The following POFUT3 variants were observed in gnomAD, a reference collection of about 807,000 sequenced individuals.
The protein encoded by POFUT3 is protein O-fucosyltransferase 3.
chr8:33,424,655 T>C, the POFUT3 span, among the ~76,000 whole-genome samples: 5 of 152,196 alleles, frequency 3.3e-5, no homozygotes, highest in Non-Finnish European at 5.9e-5. Context: ...ATTTTTCTTC[T>C]GGATAATCCC....
chr8:33,370,105 G>A, the POFUT3 span, among the ~76,000 whole-genome samples: 1 of 148,322 alleles, frequency 6.7e-6, no homozygotes, highest in African/African-American at 2.5e-5. Context: ...GCCGAGGTGG[G>A]TGGGTCACTT....
the POFUT3 span, among the ~76,000 whole-genome samples, chr8:33,340,378 G>A: frequency 1.3e-5 from 2 of 151,802 alleles, no homozygotes; most frequent in Non-Finnish European, 2.9e-5. Context: ...ACATATGTGT[G>A]TGTGTATATA....
At chr8:33,382,889 C>T in the POFUT3 span, among the ~76,000 whole-genome samples, 2 of 152,166 alleles carry the variant, frequency 1.3e-5, no homozygotes, top group Non-Finnish European at 2.9e-5. Flanking sequence ...GTACACCTCA[C>T]CTCCTTCCAT....
the POFUT3 span, among the ~76,000 whole-genome samples, chr8:33,382,941 G>A: frequency 1.3e-5 from 2 of 152,064 alleles, no homozygotes; most frequent in Non-Finnish European, 2.9e-5. Context: ...AGTCACTGTG[G>A]AACTCTTCTC....
chr8:33,327,210 CT>C, the POFUT3 span, among the ~76,000 whole-genome samples: 1 of 152,172 alleles, frequency 6.6e-6, no homozygotes, highest in African/African-American at 2.4e-5. Flanking sequence ...TGAAGAGCTT[CT>C]TTGGGATAGA....
the POFUT3 span, among the ~76,000 whole-genome samples, chr8:33,380,215 C>CTGTATATATATAG: frequency 2.8e-5 from 1 of 35,596 alleles, no homozygotes; most frequent in Non-Finnish European, 4.4e-5. Context: ...TATATATATA[C>CTGTATATATATAG]TATATATATA....
the POFUT3 span, among the ~76,000 whole-genome samples, chr8:33,312,592 C>A: frequency 6.6e-6 from 1 of 152,018 alleles, no homozygotes; most frequent in African/African-American, 2.4e-5. Flanking sequence ...CTCCCAGCAC[C>A]AAAGACCACC....
the POFUT3 span, among the ~76,000 whole-genome samples, chr8:33,340,388 A>G: frequency 6.6e-6 from 1 of 151,902 alleles, no homozygotes; most frequent in Non-Finnish European, 1.5e-5. Context: ...GTGTGTATAT[A>G]TATATATACA....
chr8:33,431,809 CAA>C, the POFUT3 span, among the ~76,000 whole-genome samples: 2 of 151,880 alleles, frequency 1.3e-5, no homozygotes, highest in South Asian at 2.1e-4. Context: ...TGAGCAATAA[CAA>C]GAGATAAAAC....
the POFUT3 span, among the ~76,000 whole-genome samples, chr8:33,414,773 C>A: frequency 6.6e-6 from 1 of 152,082 alleles, no homozygotes; most frequent in African/African-American, 2.4e-5. Context: ...CCAAACAACA[C>A]ACTGCCTTAT....
chr8:33,463,442 T>C, the POFUT3 span, among the ~76,000 whole-genome samples: 4 of 151,660 alleles, frequency 2.6e-5, no homozygotes, highest in Admixed American at 6.6e-5. Context: ...GAGGCAGAGG[T>C]TGCAGTGAGC....
the POFUT3 span, among the ~76,000 whole-genome samples, chr8:33,418,409 CTCTT>C: frequency 9.1e-6 from 1 of 110,166 alleles, no homozygotes; most frequent in East Asian, 2.5e-4. Context: ...AAAAAGGGAA[CTCTT>C]TTTTTTTTTT....
At chr8:33,460,774 G>A in the POFUT3 span, 1 of 984,890 alleles carries the variant, frequency 1.0e-6, no homozygotes, top group Non-Finnish European at 1.2e-6. Flanking sequence ...AGTTTCACCT[G>A]TTTAAAAAAG....
chr8:33,410,034 C>T, the POFUT3 span, among the ~76,000 whole-genome samples: 1 of 152,308 alleles, frequency 6.6e-6, no homozygotes, highest in South Asian at 2.1e-4. Flanking sequence ...TAGCTTCTAG[C>T]ACAGAGATAA....
At chr8:33,402,459 T>C in the POFUT3 span, among the ~76,000 whole-genome samples, 1 of 152,166 alleles carries the variant, frequency 6.6e-6, no homozygotes, top group Non-Finnish European at 1.5e-5. Flanking sequence ...TCTTAGAGTC[T>C]CTCTCTACCC....
chr8:33,464,312 G>C, the POFUT3 span, among the ~76,000 whole-genome samples: 1 of 152,126 alleles, frequency 6.6e-6, no homozygotes, highest in Non-Finnish European at 1.5e-5. Context: ...TATTTGTTGA[G>C]TAACCTATCA....
At chr8:33,438,993 T>C in the POFUT3 span, among the ~76,000 whole-genome samples, 1 of 152,158 alleles carries the variant, frequency 6.6e-6, no homozygotes, top group African/African-American at 2.4e-5. Flanking sequence ...AGTCAAACCA[T>C]ATCACCCACA....
chr8:33,309,138 TAAAAA>T, the POFUT3 span, among the ~76,000 whole-genome samples: 2 of 41,672 alleles, frequency 4.8e-5, no homozygotes, highest in African/African-American at 1.8e-4. Context: ...CTGGGGAGTG[TAAAAA>T]AAAAAAAAAA....
the POFUT3 span, among the ~76,000 whole-genome samples, chr8:33,326,545 A>G: frequency 6.6e-6 from 1 of 152,192 alleles, no homozygotes; most frequent in East Asian, 1.9e-4. Context: ...ATATTTGTTA[A>G]ATGTCTACTT....
Sources: gnomAD v4.1 joint callset for allele counts (sites outside exome capture counted in the v4.1 genomes callset) on GRCh38, gnomAD v4.1.1 for gene constraint, MANE v1.5 for transcripts, NCBI Gene and HGNC (gene_info 2026-07-23, HGNC 2026-07-21) for gene names.